The following PIGN variants were observed in gnomAD, a reference collection of about 807,000 sequenced individuals.
PIGN encodes the protein phosphatidylinositol glycan anchor biosynthesis class N.
Under a neutral mutation model 125.4 loss-of-function variants are expected in PIGN, and 117 were observed. That is an observed-to-expected ratio of 0.93 (90% confidence interval 0.80 to 1.09). The LOEUF is 1.09. PIGN is among the 50% of genes least tolerant of loss of function. PIGN has a pLI of 0.00. For missense variants in PIGN, 1,075 were observed against 1,094.9 expected, an observed-to-expected ratio of 0.98 and a Z score of 0.26; for synonymous variants, 392 against 377.8, an observed-to-expected ratio of 1.04 and a Z score of -0.44.
chr18:62,054,486 C>T (rs1011514850), intron 30 of PIGN, among the ~76,000 whole-genome samples: 1 of 144,912 alleles, frequency 6.9e-6, no homozygotes, highest in African/African-American at 2.6e-5. Flanking sequence ...TTTTTTTTTT[C>T]CTATTTTTTT....
chr18:62,146,444 T>A (rs1190897343), intron 9 of PIGN, among the ~76,000 whole-genome samples: 1 of 152,180 alleles, frequency 6.6e-6, no homozygotes, highest in Non-Finnish European at 1.5e-5. Context: ...TCTGGGTCCT[T>A]TTCTTCCAGG....
At chr18:62,121,751 T>C (rs2035314808) in intron 14 of PIGN, among the ~76,000 whole-genome samples, 1 of 152,190 alleles carries the variant, frequency 6.6e-6, no homozygotes, top group Non-Finnish European at 1.5e-5. Flanking sequence ...ATACCATATT[T>C]TCTTTATCCC....
rs2147290365 is a variant in PIGN at position 62,147,117 on chromosome 18, CAG to C, written c.675-18_675-17del. 1 of 1,578,098 alleles carries C rather than the reference CAG, an allele frequency of 6.3e-7. No individual in the cohort carries two copies. The highest frequency in any genetic ancestry group is 2.3e-5 in the East Asian group (1 of 44,206). ...CTTGTAGTCTCTATTTGTAAAGAAA[CAG>C]AGGAACAAATTAAATTAATTTGGAG... On this transcript the variant is annotated splice_polypyrimidine_tract_variant and intron_variant, in intron 8 of 30. Coordinates refer to ENST00000640252, the MANE Select transcript of PIGN (RefSeq NM_176787.5).
At chr18:62,176,011 T>A (rs181010842) in intron 1 of PIGN, among the ~76,000 whole-genome samples, 18 of 152,224 alleles carry the variant, frequency 1.2e-4, no homozygotes, top group Non-Finnish European at 1.9e-4. Context: ...AAATTTCAGA[T>A]AAAGAAAAGG....
intron 30 of PIGN, among the ~76,000 whole-genome samples, chr18:62,048,917 T>C (rs1416430973): frequency 1.3e-5 from 2 of 148,294 alleles, no homozygotes; most frequent in Non-Finnish European, 3.0e-5. Flanking sequence ...GTGTTCTCAT[T>C]GTTCAATTCC....
chr18:62,054,920 A>G (rs1394322867), intron 30 of PIGN, among the ~76,000 whole-genome samples: 5 of 152,258 alleles, frequency 3.3e-5, no homozygotes, highest in African/African-American at 9.6e-5. Flanking sequence ...CAAAGAGGAT[A>G]TAAAGTCAGT....
At chr18:62,060,189 C>T (rs1186575814) in intron 30 of PIGN, among the ~76,000 whole-genome samples, 1 of 152,192 alleles carries the variant, frequency 6.6e-6, no homozygotes, top group Non-Finnish European at 1.5e-5. Context: ...GTCATCTCGC[C>T]ATAGCAGAGT....
At chr18:62,100,148 G>A (rs1457640892) in intron 22 of PIGN, among the ~76,000 whole-genome samples, 1 of 152,036 alleles carries the variant, frequency 6.6e-6, no homozygotes, top group Non-Finnish European at 1.5e-5. Flanking sequence ...ACTAAAAAAT[G>A]GGCAAATGAT....
chr18:62,173,734 C>T (rs2037418631), intron 1 of PIGN, among the ~76,000 whole-genome samples: 1 of 152,198 alleles, frequency 6.6e-6, no homozygotes, highest in Admixed American at 6.5e-5. Context: ...TAAATGATAA[C>T]ACTTCAGTTT....
chr18:62,143,294 C>G lies in PIGN; in HGVS notation c.963+12G>C. On this transcript the variant is annotated intron_variant, in intron 11 of 30. Coordinates refer to ENST00000640252, the MANE Select transcript of PIGN (RefSeq NM_176787.5). ...AAATTAAATTTGAATGTAATAAAAT[C>G]GAACTGGATACCTGATTGACATCTA... 1 of 1,423,198 alleles carries G rather than the reference C, an allele frequency of 7.0e-7. No individual in the cohort carries two copies. Among genetic ancestry groups the G allele is most frequent in the Non-Finnish European group, 9.7e-7 (1 of 1,027,408 alleles). 88.2% of individuals were successfully genotyped at this position (1,423,198 alleles called of 1,614,324 possible).
chr18:62,018,290 T>C (rs922601402), intron 23 of PIGN, among the ~76,000 whole-genome samples: 11 of 152,218 alleles, frequency 7.2e-5, no homozygotes, highest in Non-Finnish European at 8.8e-5. Context: ...AGTTGAAGAA[T>C]TAAATAGAAA....
chr18:62,099,906 C>G, intron 22 of PIGN, among the ~76,000 whole-genome samples: 1 of 151,990 alleles, frequency 6.6e-6, no homozygotes, highest in East Asian at 1.9e-4. Context: ...AGTAGTCTGA[C>G]AAAGACATTT....
chr18:62,069,719 G>A (rs2032731390), intron 30 of PIGN: 1 of 152,188 alleles, frequency 6.6e-6, no homozygotes, highest in South Asian at 2.1e-4. Context: ...ACTGATTAAT[G>A]CATTCAGAGT....
chr18:62,124,144 C>T (rs1428446906), intron 14 of PIGN, among the ~76,000 whole-genome samples: 2 of 152,018 alleles, frequency 1.3e-5, no homozygotes, highest in Non-Finnish European at 2.9e-5. Flanking sequence ...CTGACTATGT[C>T]TATATAATGA....
Position 62,107,105 on chromosome 18 carries a change from T to C in PIGN, c.1575-20A>G, listed in dbSNP as rs1296236979. 1.4e-6 allele frequency: 2 copies of C among 1,470,868 alleles called. No homozygotes were observed. The highest frequency in any genetic ancestry group is 1.9e-6 in the Non-Finnish European group (2 of 1,071,842). 91.1% of individuals were successfully genotyped at this position (1,470,868 alleles called of 1,614,324 possible). On this transcript the variant is annotated intron_variant, in intron 17 of 30. Coordinates refer to ENST00000640252, the MANE Select transcript of PIGN (RefSeq NM_176787.5). ...TGAAATCTGTTTCAAATAAAAAGACTGATTGAATTTTAAAGTTAGGTCATA... is the reference window on the plus strand; with the variant it reads ...TGAAATCTGTTTCAAATAAAAAGACCGATTGAATTTTAAAGTTAGGTCATA...
Position 62,102,810 on chromosome 18 carries a change from A to T in PIGN, c.1952T>A (p.Leu651Ter). Residue 651 changes from leucine (L) to a stop codon, truncating the protein, a stop_gained, in exon 21 of 31, where the codon TTG (leucine) becomes TAG (stop). Transcript: ENST00000640252. LOFTEE classifies it high-confidence loss of function. ...GTAACTGACCTGTAACAGATGTACC[A>T]ATAGCTCTTCCTTTATAAAGCTATC... is the stretch of plus-strand genomic sequence containing the variant. ...RKDSFIKEELLVHLLQVLSTV... is the reference protein window; with the variant it reads ...RKDSFIKEEL 1 of 1,521,972 alleles carries T rather than the reference A, an allele frequency of 6.6e-7. No homozygotes were observed. The highest frequency in any genetic ancestry group is 1.2e-5 in the South Asian group (1 of 82,754). The allele number at this position is 1,521,972 out of a possible 1,614,324, so 94.3% of individuals were successfully genotyped here.
At chr18:62,141,190 G>C (rs2036123076) in intron 11 of PIGN, among the ~76,000 whole-genome samples, 1 of 152,182 alleles carries the variant, frequency 6.6e-6, no homozygotes. Context: ...ACTCGGAATT[G>C]AGAATGCCCA....
chr18:62,180,271 G>GT (rs1375017976), intron 1 of PIGN, among the ~76,000 whole-genome samples: 1 of 152,124 alleles, frequency 6.6e-6, no homozygotes, highest in African/African-American at 2.4e-5. Flanking sequence ...TTGAAAAAGT[G>GT]TGTTTTTTTC....
rs373150832 is a variant in PIGN, at chr18:62,147,202, CT to C, written c.675-102del. 771 of 1,331,180 alleles carry C rather than the reference CT, an allele frequency of 5.8e-4. 7 individuals carry two copies. The East Asian group carries it at 0.019, about 33-fold the overall frequency. 82.5% of individuals were successfully genotyped at this position (1,331,180 alleles called of 1,614,324 possible). On this transcript the variant is annotated intron_variant, in intron 8 of 30. Coordinates refer to ENST00000640252, the MANE Select transcript of PIGN (RefSeq NM_176787.5). The stretch of plus-strand genomic sequence containing the variant: ...TTCAAAATCAGTAACTTCTGAAATG[CT>C]TTTAGATTTCATCTTTAATATTTTA...
Sources: gnomAD v4.1 joint callset for allele counts (sites outside exome capture counted in the v4.1 genomes callset) on GRCh38, gnomAD v4.1.1 for gene constraint, MANE v1.5 for transcripts, NCBI Gene and HGNC (gene_info 2026-07-23, HGNC 2026-07-21) for gene names.